The following PARL variants were observed in gnomAD, a reference collection of about 807,000 sequenced individuals.
PARL encodes the protein presenilin associated rhomboid like, also known as presenilin-associated rhomboid-like protein, mitochondrial.
Under a neutral mutation model 51.6 loss-of-function variants are expected in PARL, and 44 were observed. The observed-to-expected ratio is 0.85, with a 90% CI of 0.67 to 1.10. PARL has a LOEUF of 1.10. PARL is among the 50% of genes least tolerant of loss of function. PARL has a pLI of 0.00. For synonymous variants in PARL, 172 were observed against 164.0 expected, an observed-to-expected ratio of 1.05 and a Z score of -0.37; for missense variants, 441 against 469.5, an observed-to-expected ratio of 0.94 and a Z score of 0.56.
intron 1 of PARL, among the ~76,000 whole-genome samples, chr3:183,870,969 C>A (rs1733121412): frequency 6.6e-6 from 1 of 152,134 alleles, no homozygotes; most frequent in Non-Finnish European, 1.5e-5. Context: ...CTCTCCTTTG[C>A]ACTTCTAGAG....
rs116582936 is a variant in PARL at position 183,846,606 on chromosome 3, T to C, written c.512-2280A>G. ...CGCAAGAAGCTTTTCTGATAAATAA[T>C]GAGTACTGGCACTGAAACAGACTGT... On this transcript the variant is annotated intron_variant, in intron 4 of 9. Transcript: ENST00000317096. 2.0e-3 allele frequency: 2,006 copies of C among 985,324 alleles called. 37 individuals carry two copies. The African/African-American group carries it at 0.033, about 16-fold the overall frequency. The allele number at this position is 985,324 out of a possible 1,614,324, so 61.0% of individuals were successfully genotyped here.
chr3:183,874,259 C>T (rs975174663), intron 1 of PARL, among the ~76,000 whole-genome samples: 2 of 152,018 alleles, frequency 1.3e-5, no homozygotes, highest in Non-Finnish European at 2.9e-5. Context: ...TACCAACCAG[C>T]CATTGCCCAC....
intron 1 of PARL, among the ~76,000 whole-genome samples, chr3:183,884,285 C>G (rs1374483142): frequency 6.6e-6 from 1 of 152,254 alleles, no homozygotes; most frequent in Non-Finnish European, 1.5e-5. Context: ...TTCCATCAGA[C>G]TTCGTCCTCC....
chr3:183,829,766 T>G, intron 9 of PARL, 57 bp from the exon 10 acceptor site: 1 of 1,371,574 alleles, frequency 7.3e-7, no homozygotes, highest in Non-Finnish European at 1.0e-6. Context: ...AAATGGTAAG[T>G]AGCATGGTGA....
At chr3:183,867,259 G>A (rs148544654) in intron 2 of PARL, among the ~76,000 whole-genome samples, 1 of 152,190 alleles carries the variant, frequency 6.6e-6, no homozygotes, top group East Asian at 1.9e-4. Flanking sequence ...ACAATACCCT[G>A]GGGCCTGTTT....
intron 4 of PARL, among the ~76,000 whole-genome samples, chr3:183,852,564 AATAG>A (rs1730674217): frequency 6.6e-6 from 1 of 152,116 alleles, no homozygotes; most frequent in South Asian, 2.1e-4. Context: ...AAGTCCTGGA[AATAG>A]ATAGTAGTGA....
At chr3:183,847,928 A>G (rs1428018153) in intron 4 of PARL, among the ~76,000 whole-genome samples, 1 of 152,176 alleles carries the variant, frequency 6.6e-6, no homozygotes, top group Middle Eastern at 3.2e-3. Flanking sequence ...CTTAGGAGGG[A>G]TGTCACCTGC....
At chr3:183,834,919 C>T (rs1281217667) in intron 7 of PARL, among the ~76,000 whole-genome samples, 3 of 145,802 alleles carry the variant, frequency 2.1e-5, no homozygotes, top group Non-Finnish European at 1.5e-5. Flanking sequence ...ATTAGCTGGG[C>T]GTGGTGGCGG....
At chr3:183,839,376 C>T (rs1005412448) in intron 7 of PARL, among the ~76,000 whole-genome samples, 2 of 152,212 alleles carry the variant, frequency 1.3e-5, no homozygotes, top group African/African-American at 2.4e-5. Flanking sequence ...CAGAAATCTG[C>T]CATTAAACTC....
At chr3:183,844,169 C>T (rs1729672123) in intron 5 of PARL, 62 bp downstream of exon 5, 1 of 1,148,944 alleles carries the variant, frequency 8.7e-7, no homozygotes, top group Non-Finnish European at 1.3e-6. Flanking sequence ...CTTCCATTAA[C>T]TAAAGCATAT....
intron 1 of PARL, among the ~76,000 whole-genome samples, chr3:183,872,078 T>G (rs1350310737): frequency 6.6e-6 from 1 of 151,596 alleles, no homozygotes; most frequent in Non-Finnish European, 1.5e-5. Flanking sequence ...CTCAGCTCAC[T>G]GCAACCTCCA....
intron 4 of PARL, among the ~76,000 whole-genome samples, chr3:183,859,362 G>C (rs1454710063): frequency 1.3e-5 from 2 of 152,154 alleles, no homozygotes; most frequent in African/African-American, 4.8e-5. Context: ...TTTTGAGACA[G>C]AGTCTCACTC....
intron 1 of PARL, among the ~76,000 whole-genome samples, chr3:183,882,570 T>C (rs1404256616): frequency 6.6e-6 from 1 of 152,010 alleles, no homozygotes; most frequent in Non-Finnish European, 1.5e-5. Flanking sequence ...ATTAAACAGG[T>C]TTCCACTTTC....
intron 4 of PARL, among the ~76,000 whole-genome samples, chr3:183,851,876 T>C (rs1387029227): frequency 6.6e-6 from 1 of 151,618 alleles, no homozygotes; most frequent in African/African-American, 2.4e-5. Flanking sequence ...AAAAGGAAAA[T>C]AGGCCAGGCA....
rs561465182 is a variant in PARL at position 183,852,025 on chromosome 3, T to C, written c.512-7699A>G. ...AAATTAAAAAATTAGCCAGGTGTGGTGGCGCGTGCCTATGGTCCCAGCTAC... is the reference window on the plus strand; with the variant it reads ...AAATTAAAAAATTAGCCAGGTGTGGCGGCGCGTGCCTATGGTCCCAGCTAC... On this transcript the variant is annotated intron_variant, in intron 4 of 9. Transcript: ENST00000317096. Among the ~76,000 whole-genome samples, 38 of 152,166 alleles carry C rather than the reference T, an allele frequency of 2.5e-4. No homozygotes were observed. The South Asian group carries it at 7.7e-3, about 31-fold the overall frequency.
rs1211686892 is a variant in PARL, at chr3:183,867,887, T to A, written c.299A>T (p.Lys100Ile). 6.2e-7 allele frequency: 1 copy of A among 1,613,104 alleles called. No homozygotes were observed. The highest frequency in any genetic ancestry group is 8.5e-7 in the Non-Finnish European group (1 of 1,179,460). ...PSPYPIRSLI[K>I]PLFFTVGFTG... Reference sequence around the variant, plus strand: ...TACCCCAACAGTAAAAAATAAAGGTTTTATGAGACTCCTTATAGGATAGGG... The same window carrying A: ...TACCCCAACAGTAAAAAATAAAGGTATTATGAGACTCCTTATAGGATAGGG... Residue 100 changes from lysine to isoleucine, a missense_variant, in exon 2 of 10, where the codon AAA becomes ATA. Transcript: ENST00000317096.
chr3:183,853,736 CTCA>C (rs1379526299), intron 4 of PARL, among the ~76,000 whole-genome samples: 1 of 152,168 alleles, frequency 6.6e-6, no homozygotes, highest in Non-Finnish European at 1.5e-5. Flanking sequence ...TTATCTCACA[CTCA>C]TCAAGATGGC....
chr3:183,834,514 G>GTATGGTTCCA (rs1253725364), intron 7 of PARL, among the ~76,000 whole-genome samples: 1 of 152,200 alleles, frequency 6.6e-6, no homozygotes, highest in Non-Finnish European at 1.5e-5. Flanking sequence ...AGTATATGCT[G>GTATGGTTCCA]TATGGTTCCA....
At chr3:183,870,263 G>T (rs1013542336) in intron 1 of PARL, among the ~76,000 whole-genome samples, 4 of 146,490 alleles carry the variant, frequency 2.7e-5, no homozygotes, top group African/African-American at 1.0e-4. Context: ...AGGTGACAGA[G>T]TAAGACCTTG....
Sources: allele counts gnomAD v4.1 joint callset (sites outside exome capture counted in the v4.1 genomes callset), GRCh38; gene constraint gnomAD v4.1.1; transcripts MANE v1.5; gene names NCBI Gene and HGNC (gene_info 2026-07-23, HGNC 2026-07-21).